The following CSMD1 variants were observed in gnomAD, a reference collection of about 807,000 sequenced individuals.
CSMD1 encodes the protein CUB and sushi domain-containing protein 1.
CSMD1 carries 213 observed loss-of-function variants against 417.5 expected under a neutral mutation model. That is an observed-to-expected ratio of 0.51 (90% CI 0.46 to 0.57). The LOEUF is 0.57. Ranked by LOEUF, CSMD1 falls within the 20% of genes least tolerant of loss-of-function variation. The pLI, the probability that CSMD1 is intolerant of heterozygous loss-of-function variation, is 0.00. For synonymous variants in CSMD1, 2,862 were observed against 1,736.8 expected (o/e 1.65, Z -16.11); for missense variants, 6,923 against 4,529.7 (o/e 1.53, Z -15.17).
At chr8:4,878,946 C>G (rs1803221099) in intron 1 of CSMD1, among the ~76,000 whole-genome samples, 1 of 151,300 alleles carries the variant, frequency 6.6e-6, no homozygotes. Flanking sequence ...GTGAAGAGGA[C>G]CTGCCAAGGC....
chr8:3,179,161 T>G (rs2612620), intron 37 of CSMD1, among the ~76,000 whole-genome samples: 89,573 of 142,380 alleles, frequency 0.63, 27,883 homozygotes, highest in African/African-American at 0.77. Context: ...TAGCCAGGAC[T>G]GTCTCGATCT....
At chr8:3,816,769 A>G (rs925449876) in intron 5 of CSMD1, among the ~76,000 whole-genome samples, 4 of 152,320 alleles carry the variant, frequency 2.6e-5, no homozygotes, top group Admixed American at 6.5e-5. Context: ...AATGTGTGTC[A>G]ATAATTTTTT....
intron 2 of CSMD1, among the ~76,000 whole-genome samples, chr8:4,577,422 A>G (rs897603176): frequency 1.3e-5 from 2 of 152,032 alleles, no homozygotes; most frequent in Admixed American, 6.6e-5. Flanking sequence ...GTTCTTGGAC[A>G]CTCTGCTCTC....
chr8:3,308,507 C>CAAGAGAGAAAG lies in CSMD1; in HGVS notation c.3632-15_3632-5dup. 6.2e-7 allele frequency: 1 copy of CAAGAGAGAAAG among 1,606,050 alleles called. No individual in the cohort carries two copies. ...TCACATTTTACCAGATCAAAACCTG[C>CAAGAGAGAAAG]AAGAGAGAAAGGCAAGGAATGAACA... On this transcript the variant is annotated splice_region_variant and splice_polypyrimidine_tract_variant and intron_variant, in intron 23 of 69. Transcript: ENST00000635120.
intron 1 of CSMD1, among the ~76,000 whole-genome samples, chr8:4,879,972 T>G (rs76413239): frequency 0.085 from 12,877 of 152,138 alleles, 1,663 homozygotes; most frequent in African/African-American, 0.27. Flanking sequence ...ATTCCCTTTG[T>G]TGTAAAAGCA....
chr8:3,057,056 G>A (rs914913774), intron 49 of CSMD1, among the ~76,000 whole-genome samples: 2 of 152,022 alleles, frequency 1.3e-5, no homozygotes, highest in Non-Finnish European at 1.5e-5. Flanking sequence ...GAAATCATGG[G>A]TTTGCTTCAA....
rs1373943189 is a variant in CSMD1, at chr8:3,546,973, A to C, written c.1344+27972T>G. ...GCTGTTTTGAAAACCTCCTGGAAGA[A>C]GGGAAGAGCAAAACTGAACAGCGTC... On this transcript the variant is annotated intron_variant, in intron 10 of 69. Transcript: ENST00000635120. 3.3e-5 allele frequency among the ~76,000 whole-genome samples: 5 copies of C among 152,180 alleles called. No individual in the cohort carries two copies. The East Asian group carries it at 7.7e-4, about 23-fold the overall frequency.
chr8:4,934,626 A>G (rs186863928), intron 1 of CSMD1, among the ~76,000 whole-genome samples: 17 of 146,212 alleles, frequency 1.2e-4, no homozygotes, highest in African/African-American at 3.9e-4. Context: ...TCACTTATCT[A>G]CCTATCTATA....
chr8:4,301,370 C>G (rs1219157390), intron 3 of CSMD1, among the ~76,000 whole-genome samples: 2 of 152,160 alleles, frequency 1.3e-5, no homozygotes, highest in Non-Finnish European at 2.9e-5. Flanking sequence ...ACTTCCAGCC[C>G]TTGGTAGCCA....
intron 8 of CSMD1, among the ~76,000 whole-genome samples, chr8:3,592,003 T>C (rs1001952146): frequency 3.9e-5 from 6 of 151,934 alleles, no homozygotes; most frequent in South Asian, 4.2e-4. Context: ...GACGGATGGA[T>C]AGATGATAGG....
At chr8:3,115,499 G>C (rs531860536) in intron 42 of CSMD1, among the ~76,000 whole-genome samples, 1 of 152,236 alleles carries the variant, frequency 6.6e-6, no homozygotes, top group East Asian at 1.9e-4. Flanking sequence ...ACTGTGCCCG[G>C]CCTAAAACCC....
chr8:3,401,157 T>C (rs997483122), intron 15 of CSMD1, among the ~76,000 whole-genome samples: 30 of 152,028 alleles, frequency 2.0e-4, no homozygotes, highest in African/African-American at 7.2e-4. Context: ...TTTTGTCATG[T>C]TTAACCATCC....
At position 3,785,316 on chromosome 8, in the gene CSMD1, G is replaced by C. The variant is rs920380829; in HGVS notation, c.819-31274C>G. On this transcript the variant is annotated intron_variant, in intron 5 of 69. Transcript: ENST00000635120. ...AATAAATGATGAAACTTCAGGCTGC[G>C]GAAAATAAATGCCCCGGGCAAGGCC... is the stretch of plus-strand genomic sequence containing the variant. 3.3e-5 allele frequency among the ~76,000 whole-genome samples: 5 copies of C among 152,300 alleles called. No homozygotes were observed. In the East Asian group the frequency reaches 9.6e-4, roughly 29 times the overall value.
chr8:4,273,775 T>A lies in CSMD1; in HGVS notation c.415+146178A>T, dbSNP rs545917539. 1.1e-4 allele frequency among the ~76,000 whole-genome samples: 17 copies of A among 152,300 alleles called. No individual in the cohort carries two copies. The East Asian group carries it at 1.7e-3, about 16-fold the overall frequency. ...GCTCAGCAAGATGATTTAGCCTCTG[T>A]AAGCTTCTGTCTGCGTGTATGTCTG... On this transcript the variant is annotated intron_variant, in intron 3 of 69. Coordinates refer to ENST00000635120, the MANE Select transcript of CSMD1 (RefSeq NM_033225.6).
intron 10 of CSMD1, among the ~76,000 whole-genome samples, chr8:3,569,107 G>A (rs1042906625): frequency 1.3e-5 from 2 of 152,008 alleles, no homozygotes; most frequent in East Asian, 1.9e-4. Context: ...AGAATACCCT[G>A]GTATGAGCTG....
At chr8:3,465,502 G>A (rs1216134933) in intron 12 of CSMD1, among the ~76,000 whole-genome samples, 1 of 152,144 alleles carries the variant, frequency 6.6e-6, no homozygotes, top group Non-Finnish European at 1.5e-5. Flanking sequence ...GTGTGTGCTG[G>A]CAGGGGGTAG....
At chr8:3,232,950 A>C (rs978963924) in intron 26 of CSMD1, among the ~76,000 whole-genome samples, 1 of 151,378 alleles carries the variant, frequency 6.6e-6, no homozygotes, top group African/African-American at 2.4e-5. Flanking sequence ...TAAAAAAAAA[A>C]TCTTAAATTA....
chr8:3,871,991 C>G (rs1422237753), intron 5 of CSMD1, among the ~76,000 whole-genome samples: 1 of 152,152 alleles, frequency 6.6e-6, no homozygotes, highest in East Asian at 1.9e-4. Context: ...TGCACTATTT[C>G]CTATGCAATG....
chr8:3,435,885 G>T (rs916361260), intron 12 of CSMD1, among the ~76,000 whole-genome samples: 2 of 152,228 alleles, frequency 1.3e-5, no homozygotes, highest in Non-Finnish European at 2.9e-5. Context: ...CCACTGGAAA[G>T]ATCTTCCCCT....
Sources: allele counts gnomAD v4.1 joint callset (sites outside exome capture counted in the v4.1 genomes callset), GRCh38; gene constraint gnomAD v4.1.1; transcripts MANE v1.5; gene names NCBI Gene and HGNC (gene_info 2026-07-23, HGNC 2026-07-21).